Variants in GALNT13 observed in about 807,000 individuals in gnomAD.
GALNT13 encodes the protein polypeptide N-acetylgalactosaminyltransferase 13, also known as UDP-GalNAc:polypeptide N-acetylgalactosaminyltransferase 13.
A neutral mutation model predicts 64.2 loss-of-function variants in GALNT13; 28 were observed. The observed-to-expected ratio is 0.44, with a 90% CI of 0.32 to 0.60. The LOEUF (loss-of-function observed/expected upper bound fraction) is 0.60, where lower values mean the gene tolerates loss of function less well. Among genes scored for constraint, GALNT13 ranks in the 20% least tolerant of loss-of-function variants. The pLI, the probability that GALNT13 is intolerant of heterozygous loss-of-function variation, is 0.05. For missense variants in GALNT13, 577 were observed against 669.8 expected (o/e 0.86, Z 1.53); for synonymous variants, 214 against 224.6 (o/e 0.95, Z 0.42).
the GALNT13 span, among the ~76,000 whole-genome samples, chr2:153,816,099 CAAAG>C: frequency 6.6e-6 from 1 of 152,026 alleles, no homozygotes; most frequent in African/African-American, 2.4e-5. Context: ...AATATGTAAA[CAAAG>C]AAATATGTAC....
At chr2:153,539,412 C>T in the GALNT13 span, among the ~76,000 whole-genome samples, 1 of 152,072 alleles carries the variant, frequency 6.6e-6, no homozygotes, top group Non-Finnish European at 1.5e-5. Context: ...TCCCATTTGT[C>T]AACTTTGTCT....
At chr2:153,446,140 A>G in the GALNT13 span, among the ~76,000 whole-genome samples, 137 of 152,336 alleles carry the variant, frequency 9.0e-4, no homozygotes, top group African/African-American at 3.1e-3. Context: ...ACTTGGGACT[A>G]TTGAGAGCAG....
At chr2:153,543,474 TTGTAA>T in the GALNT13 span, among the ~76,000 whole-genome samples, 3 of 152,250 alleles carry the variant, frequency 2.0e-5, no homozygotes, top group Non-Finnish European at 4.4e-5. Flanking sequence ...ATTTGTGATC[TTGTAA>T]TGTAAATTAT....
intron 8 of GALNT13, among the ~76,000 whole-genome samples, chr2:154,298,460 CATATATAAATTATATATAAATT>C (rs1298335596): frequency 1.9e-5 from 2 of 103,186 alleles, no homozygotes; most frequent in East Asian, 4.6e-4. Flanking sequence ...TTTATATATA[CATATATAAATTATATATAAATT>C]ATATATAAAT....
At chr2:153,374,605 T>A in the GALNT13 span, among the ~76,000 whole-genome samples, 1 of 152,084 alleles carries the variant, frequency 6.6e-6, no homozygotes, top group African/African-American at 2.4e-5. Flanking sequence ...TAATTTTGAT[T>A]ACTGTATTTT....
At chr2:153,279,482 G>C in the GALNT13 span, among the ~76,000 whole-genome samples, 1 of 152,034 alleles carries the variant, frequency 6.6e-6, no homozygotes, top group African/African-American at 2.4e-5. Context: ...TTTAGTATGA[G>C]GTTGCCTCTG....
the GALNT13 span, among the ~76,000 whole-genome samples, chr2:153,247,779 G>A: frequency 3.3e-5 from 5 of 151,884 alleles, no homozygotes; most frequent in Admixed American, 1.3e-4. Context: ...TCCAGGAGGT[G>A]GTTTTTTGAA....
the GALNT13 span, among the ~76,000 whole-genome samples, chr2:153,193,098 C>T: frequency 1.3e-5 from 2 of 151,846 alleles, no homozygotes; most frequent in Non-Finnish European, 2.9e-5. Flanking sequence ...GGTTTGATGG[C>T]TTTCTGTAGT....
At chr2:153,966,067 T>G (rs1054626572) in intron 3 of GALNT13, among the ~76,000 whole-genome samples, 15 of 152,074 alleles carry the variant, frequency 9.9e-5, no homozygotes, top group Non-Finnish European at 2.1e-4. Context: ...GTATTGCCCA[T>G]TAGTATTCTT....
At chr2:154,310,009 T>C (rs909313905) in intron 9 of GALNT13, among the ~76,000 whole-genome samples, 10 of 152,212 alleles carry the variant, frequency 6.6e-5, no homozygotes, top group East Asian at 1.9e-4. Context: ...ACTACATTCA[T>C]TGGGTCTCCA....
chr2:153,665,903 G>T, the GALNT13 span, among the ~76,000 whole-genome samples: 3 of 152,162 alleles, frequency 2.0e-5, no homozygotes, highest in African/African-American at 4.8e-5. Context: ...TTTGGTGCAG[G>T]CGTGGCTGCA....
the GALNT13 span, among the ~76,000 whole-genome samples, chr2:153,555,949 A>G: frequency 6.6e-6 from 1 of 152,242 alleles, no homozygotes; most frequent in Non-Finnish European, 1.5e-5. Context: ...AAGCTCGGGA[A>G]AAAATGTGTT....
chr2:153,789,747 G>T, the GALNT13 span, among the ~76,000 whole-genome samples: 1 of 152,114 alleles, frequency 6.6e-6, no homozygotes, highest in Non-Finnish European at 1.5e-5. Flanking sequence ...TGATAAAGGA[G>T]ATTTTACCAC....
At chr2:154,278,331 A>G (rs1413851956) in intron 8 of GALNT13, among the ~76,000 whole-genome samples, 1 of 152,122 alleles carries the variant, frequency 6.6e-6, no homozygotes, top group Non-Finnish European at 1.5e-5. Context: ...CTCTGACCCT[A>G]CAAGAGAAGA....
the GALNT13 span, among the ~76,000 whole-genome samples, chr2:153,392,317 GAA>G: frequency 6.8e-6 from 1 of 147,426 alleles, no homozygotes. Context: ...ATTACACTAA[GAA>G]AAAAAATGAA....
At chr2:154,425,857 T>C (rs1172241453) in intron 11 of GALNT13, among the ~76,000 whole-genome samples, 1 of 152,158 alleles carries the variant, frequency 6.6e-6, no homozygotes, top group Admixed American at 6.5e-5. Context: ...AGCTGAGAAA[T>C]AGAATGATAG....
At chr2:153,230,736 G>A in the GALNT13 span, among the ~76,000 whole-genome samples, 23 of 152,062 alleles carry the variant, frequency 1.5e-4, no homozygotes, top group Admixed American at 1.3e-3. Flanking sequence ...TTTACTGGCC[G>A]CTTTCATGTC....
the GALNT13 span, among the ~76,000 whole-genome samples, chr2:153,404,479 T>C: frequency 1.3e-5 from 2 of 152,170 alleles, no homozygotes; most frequent in Admixed American, 1.3e-4. Context: ...GTTAGAAGCT[T>C]TCTAATTTCA....
chr2:153,345,643 C>CTTTCT, the GALNT13 span, among the ~76,000 whole-genome samples: 3 of 99,144 alleles, frequency 3.0e-5, no homozygotes, highest in African/African-American at 1.2e-4. Context: ...CTTTTTCTTT[C>CTTTCT]TTTCTTTCTT....
Sources: allele counts gnomAD v4.1 joint callset (sites outside exome capture counted in the v4.1 genomes callset), GRCh38; gene constraint gnomAD v4.1.1; transcripts MANE v1.5; gene names NCBI Gene and HGNC (gene_info 2026-07-23, HGNC 2026-07-21).